NT5C2: variants seen among roughly 807,000 people sequenced by gnomAD.
NT5C2 encodes 5'-nucleotidase, cytosolic II.
NT5C2 carries 58 observed loss-of-function variants against 76.1 expected under a neutral mutation model. The observed-to-expected ratio is 0.76, with a 90% CI of 0.62 to 0.95. The LOEUF (loss-of-function observed/expected upper bound fraction) is 0.95. NT5C2 is among the 40% of genes least tolerant of loss of function. NT5C2 has a pLI of 0.00. For missense variants in NT5C2, 478 were observed against 690.3 expected (o/e 0.69, Z 3.45); for synonymous variants, 229 against 237.4 (o/e 0.96, Z 0.32).
At chr10:103,090,154 T>G (rs2066353705) in intron 18 of NT5C2, 1 of 428,154 alleles carries the variant, frequency 2.3e-6, no homozygotes, top group Non-Finnish European at 4.1e-6. Flanking sequence ...AGAGGGGAGT[T>G]TACTTTCTAT....
chr10:103,178,946 CTTTTTTT>C (rs2090561345), intron 2 of NT5C2, among the ~76,000 whole-genome samples: 1 of 136,198 alleles, frequency 7.3e-6, no homozygotes, highest in South Asian at 2.4e-4. Context: ...TTTCTTTTTT[CTTTTTTT>C]CTTTTTTTTT....
chr10:103,150,156 C>T, intron 3 of NT5C2, among the ~76,000 whole-genome samples: 1 of 152,196 alleles, frequency 6.6e-6, no homozygotes, highest in East Asian at 1.9e-4. Context: ...GCAACAACTA[C>T]TACAATCAAG....
chr10:103,175,867 G>A (rs1447768209), intron 2 of NT5C2: 4 of 159,510 alleles, frequency 2.5e-5, no homozygotes, highest in Non-Finnish European at 4.1e-5. Context: ...GAAGGAGGAC[G>A]GGGGCAGTTC....
intron 4 of NT5C2, among the ~76,000 whole-genome samples, chr10:103,138,923 C>T (rs1025817268): frequency 2.0e-5 from 3 of 152,012 alleles, no homozygotes; most frequent in Admixed American, 1.3e-4. Context: ...AGGAGAATCG[C>T]TTGAACCCAG....
intron 1 of NT5C2, among the ~76,000 whole-genome samples, chr10:103,187,434 T>C (rs1352019091): frequency 1.3e-5 from 2 of 150,814 alleles, no homozygotes; most frequent in South Asian, 2.1e-4. Context: ...GCGCCTGTAA[T>C]CCCAGCTACT....
intron 3 of NT5C2, chr10:103,146,015 T>G: frequency 2.1e-6 from 2 of 975,590 alleles, no homozygotes; most frequent in Non-Finnish European, 2.4e-6. Context: ...AACTTGTAAT[T>G]CAAAGCAGTA....
chr10:103,099,014 A>G (rs1466039337), intron 9 of NT5C2, 30 bp from the exon 10 acceptor site: 1 of 1,542,618 alleles, frequency 6.5e-7, no homozygotes, highest in Non-Finnish European at 8.9e-7. Flanking sequence ...AGAATTAAGA[A>G]AAGAACAAAA....
intron 4 of NT5C2, among the ~76,000 whole-genome samples, chr10:103,133,649 T>C (rs766453919): frequency 2.0e-5 from 3 of 152,104 alleles, no homozygotes; most frequent in Non-Finnish European, 4.4e-5. Context: ...TTGGTACCAG[T>C]AGAGTGGAGC....
At chr10:103,191,084 G>A (rs1040622668) in intron 1 of NT5C2, among the ~76,000 whole-genome samples, 1 of 152,188 alleles carries the variant, frequency 6.6e-6, no homozygotes, top group Non-Finnish European at 1.5e-5. Flanking sequence ...ACTGAATTAA[G>A]CTTTTGGTAA....
At chr10:103,162,101 C>T (rs574832646) in intron 3 of NT5C2, among the ~76,000 whole-genome samples, 6 of 152,152 alleles carry the variant, frequency 3.9e-5, no homozygotes, top group Middle Eastern at 3.4e-3. Context: ...CTGCAACCTC[C>T]GCCTCATGGG....
intron 10 of NT5C2, 25 bp from the exon 11 acceptor site, chr10:103,097,399 G>C (rs1195687467): frequency 1.7e-5 from 26 of 1,570,886 alleles, no homozygotes; most frequent in Non-Finnish European, 2.3e-5. Context: ...GATAATGAGT[G>C]AAACACGAAA....
Position 103,089,503 on chromosome 10 carries a change from C to A in NT5C2, c.*169G>T. 1 of 1,295,974 alleles carries A rather than the reference C, an allele frequency of 7.7e-7. No homozygotes were observed. Among genetic ancestry groups the A allele is most frequent in the Non-Finnish European group, 1.0e-6 (1 of 979,732 alleles). 80.3% of individuals were successfully genotyped at this position (1,295,974 alleles called of 1,614,324 possible). A position where few individuals can be genotyped will look rare whatever the true frequency, so the allele number is the denominator to read the frequency against. Reference sequence around the variant, plus strand: ...ACCATCTGCAGAGAGTACAGATACACAAAACCAAAACAAGTATCTATGATA... The same window carrying A: ...ACCATCTGCAGAGAGTACAGATACAAAAAACCAAAACAAGTATCTATGATA... On this transcript the variant is annotated 3_prime_UTR_variant, in exon 19 of 19. Coordinates refer to ENST00000404739, the MANE Select transcript of NT5C2 (RefSeq NM_001351169.2).
intron 2 of NT5C2, among the ~76,000 whole-genome samples, chr10:103,180,397 G>A (rs140267751): frequency 7.9e-5 from 12 of 152,288 alleles, no homozygotes; most frequent in African/African-American, 2.6e-4. Flanking sequence ...CTAATTGTAA[G>A]TAATTGTCCA....
chr10:103,147,434 G>A (rs1351304205), intron 3 of NT5C2, among the ~76,000 whole-genome samples: 1 of 152,162 alleles, frequency 6.6e-6, no homozygotes, highest in Non-Finnish European at 1.5e-5. Flanking sequence ...TCAAGACCCT[G>A]CATCTCAAGT....
chr10:103,094,880 CAAAA>C (rs35752695), intron 12 of NT5C2, among the ~76,000 whole-genome samples: 1,772 of 136,760 alleles, frequency 0.013, 34 homozygotes, highest in African/African-American at 0.046. Flanking sequence ...GACTCCATCT[CAAAA>C]AAAAAAAAAA....
intron 4 of NT5C2, among the ~76,000 whole-genome samples, chr10:103,129,255 G>A (rs1413145022): frequency 8.8e-6 from 1 of 113,252 alleles, no homozygotes; most frequent in Non-Finnish European, 1.9e-5. Flanking sequence ...GAGATGGGGG[G>A]GTCAGCCCCC....
intron 4 of NT5C2, among the ~76,000 whole-genome samples, chr10:103,131,357 T>G (rs2078133039): frequency 6.6e-6 from 1 of 152,244 alleles, no homozygotes; most frequent in Non-Finnish European, 1.5e-5. Flanking sequence ...GTCTCAATAT[T>G]TGTGTCCTTT....
At chr10:103,129,716 C>G (rs1591233952) in intron 4 of NT5C2, among the ~76,000 whole-genome samples, 1 of 105,802 alleles carries the variant, frequency 9.5e-6, no homozygotes. Context: ...GTGAGGAGCC[C>G]CTCTGCCCGG....
intron 4 of NT5C2, among the ~76,000 whole-genome samples, chr10:103,121,751 A>G (rs964934831): frequency 6.6e-6 from 1 of 152,182 alleles, no homozygotes; most frequent in African/African-American, 2.4e-5. Context: ...GGTTTGGGAT[A>G]ACTCCCCAGA....
Sources: allele counts gnomAD v4.1 joint callset (sites outside exome capture counted in the v4.1 genomes callset), GRCh38; gene constraint gnomAD v4.1.1; transcripts MANE v1.5; gene names NCBI Gene and HGNC (gene_info 2026-07-23, HGNC 2026-07-21).